The following ARHGAP10 variants were observed in gnomAD, a reference collection of about 807,000 sequenced individuals.
ARHGAP10 encodes the protein rho GTPase-activating protein 10.
ARHGAP10 carries 87 observed loss-of-function variants against 108.6 expected under a neutral mutation model. The ratio of observed to expected loss-of-function variants is 0.80; its 90% CI spans 0.67 to 0.96. The LOEUF (loss-of-function observed/expected upper bound fraction) is 0.96. Among genes scored for constraint, ARHGAP10 ranks in the 40% least tolerant of loss-of-function variants. ARHGAP10 has a pLI of 0.00. For synonymous variants in ARHGAP10, 347 were observed against 341.1 expected (o/e 1.02, Z -0.19); for missense variants, 939 against 954.5 (o/e 0.98, Z 0.21).
intron 14 of ARHGAP10, among the ~76,000 whole-genome samples, chr4:147,945,771 A>T (rs1738353146): frequency 6.6e-6 from 1 of 152,116 alleles, no homozygotes. Flanking sequence ...TCCTTGGTTC[A>T]GCTAAATCCG....
At chr4:147,753,427 T>C (rs1729242988) in intron 1 of ARHGAP10, among the ~76,000 whole-genome samples, 1 of 151,474 alleles carries the variant, frequency 6.6e-6, no homozygotes, top group South Asian at 2.1e-4. Context: ...CACTACAACC[T>C]CTGCCTCCTG....
intron 1 of ARHGAP10, among the ~76,000 whole-genome samples, chr4:147,818,630 C>T (rs563639605): frequency 6.6e-6 from 1 of 151,926 alleles, no homozygotes; most frequent in South Asian, 2.1e-4. Flanking sequence ...TGCATCTAAC[C>T]CAGGCAGAGA....
intron 1 of ARHGAP10, among the ~76,000 whole-genome samples, chr4:147,797,559 C>T (rs952628952): frequency 3.9e-5 from 6 of 152,174 alleles, no homozygotes; most frequent in Middle Eastern, 3.4e-3. Flanking sequence ...ACTACAGGTG[C>T]GCACCACCAC....
chr4:148,035,400 T>G (rs1728333020), intron 19 of ARHGAP10, among the ~76,000 whole-genome samples: 1 of 152,222 alleles, frequency 6.6e-6, no homozygotes, highest in South Asian at 2.1e-4. Flanking sequence ...GTAGTTTTGT[T>G]TCTGTGCTTT....
At chr4:147,910,612 A>G (rs557454351) in intron 12 of ARHGAP10, among the ~76,000 whole-genome samples, 12 of 152,298 alleles carry the variant, frequency 7.9e-5, no homozygotes, top group African/African-American at 2.6e-4. Flanking sequence ...TTCAAGGACA[A>G]CGATCTTCAC....
intron 3 of ARHGAP10, among the ~76,000 whole-genome samples, chr4:147,825,130 G>A (rs1424427046): frequency 2.6e-5 from 4 of 152,006 alleles, no homozygotes; most frequent in African/African-American, 2.4e-5. Context: ...CTAGGGCTGC[G>A]GGAGGACACT....
At chr4:147,842,437 T>C (rs777980331) in intron 3 of ARHGAP10, among the ~76,000 whole-genome samples, 3 of 152,198 alleles carry the variant, frequency 2.0e-5, no homozygotes, top group African/African-American at 7.2e-5. Flanking sequence ...AATGCCTTCA[T>C]GTGTCTATAT....
At chr4:147,954,373 C>G (rs1473463243) in intron 15 of ARHGAP10, among the ~76,000 whole-genome samples, 1 of 151,862 alleles carries the variant, frequency 6.6e-6, no homozygotes, top group Non-Finnish European at 1.5e-5. Flanking sequence ...TTTTGGGGCT[C>G]TCTTATTAGA....
intron 4 of ARHGAP10, among the ~76,000 whole-genome samples, chr4:147,847,710 T>G (rs890262759): frequency 6.6e-6 from 1 of 152,224 alleles, no homozygotes; most frequent in Non-Finnish European, 1.5e-5. Flanking sequence ...AGTATTGTTA[T>G]GGTATTGTGC....
intron 14 of ARHGAP10, 190 bp from the exon 15 acceptor site, chr4:147,946,427 G>C (rs1738381346): frequency 2.1e-6 from 1 of 475,006 alleles, no homozygotes. Context: ...CAGATTTTAC[G>C]AAGTGCCAGA....
At chr4:148,054,167 G>A (rs1409583013) in intron 20 of ARHGAP10, among the ~76,000 whole-genome samples, 2 of 152,200 alleles carry the variant, frequency 1.3e-5, no homozygotes, top group Non-Finnish European at 2.9e-5. Flanking sequence ...TCTAAATAAA[G>A]TAAGGACCTC....
intron 10 of ARHGAP10, among the ~76,000 whole-genome samples, chr4:147,887,124 G>C (rs1360681908): frequency 1.3e-5 from 2 of 152,024 alleles, no homozygotes; most frequent in African/African-American, 4.8e-5. Context: ...TCTCTCTTAA[G>C]CTCTGACACT....
intron 18 of ARHGAP10, among the ~76,000 whole-genome samples, chr4:147,972,778 G>T (rs1379549836): frequency 6.6e-6 from 1 of 151,774 alleles, no homozygotes; most frequent in Non-Finnish European, 1.5e-5. Context: ...TTTTGAGACG[G>T]AGTTTCATGC....
intron 20 of ARHGAP10, among the ~76,000 whole-genome samples, chr4:148,051,976 G>A (rs1729158140): frequency 6.6e-6 from 1 of 152,114 alleles, no homozygotes. Context: ...CTTGACTGTT[G>A]GTTCCATGAT....
chr4:147,988,879 A>C (rs1287039623), intron 18 of ARHGAP10, among the ~76,000 whole-genome samples: 1 of 152,216 alleles, frequency 6.6e-6, no homozygotes, highest in African/African-American at 2.4e-5. Flanking sequence ...GAAACCTCCT[A>C]TTAAAATAAT....
chr4:147,732,214 C>A lies in ARHGAP10; in HGVS notation c.-88C>A. On this transcript the variant is annotated 5_prime_UTR_variant, in exon 1 of 23. Coordinates refer to ENST00000336498, the MANE Select transcript of ARHGAP10 (RefSeq NM_024605.4). Reference sequence around the variant, plus strand: ...TGCTAGCTCCTCTGTGCTCCCTGAACGCGCGGCGCCGCACCTGGCAGCGGC... The same window carrying A: ...TGCTAGCTCCTCTGTGCTCCCTGAAAGCGCGGCGCCGCACCTGGCAGCGGC... The A allele has an allele frequency of 2.2e-6, 3 of 1,347,576 alleles. No homozygotes were observed. Among genetic ancestry groups the A allele is most frequent in the Non-Finnish European group, 2.9e-6 (3 of 1,039,096 alleles). The allele number at this position is 1,347,576 out of a possible 1,614,324, so 83.5% of individuals were successfully genotyped here. A position where few individuals can be genotyped will look rare whatever the true frequency, so the allele number is the denominator to read the frequency against.
intron 19 of ARHGAP10, among the ~76,000 whole-genome samples, chr4:148,045,519 A>C (rs1287561858): frequency 8.5e-5 from 13 of 152,198 alleles, no homozygotes; most frequent in African/African-American, 3.1e-4. Flanking sequence ...AGGCAGGCGG[A>C]TCACCTGAGG....
chr4:148,050,397 G>A lies in ARHGAP10; in HGVS notation c.2027+3346G>A, dbSNP rs113578267. Among the ~76,000 whole-genome samples the A allele has an allele frequency of 3.0e-3, 259 of 86,710 alleles. 1 individual carries two copies. The highest frequency in any genetic ancestry group is 0.011 in the African/African-American group (246 of 22,058). 56.9% of individuals were successfully genotyped at this position (86,710 alleles called of 152,430 possible). On this transcript the variant is annotated intron_variant, in intron 20 of 22. Coordinates refer to ENST00000336498, the MANE Select transcript of ARHGAP10 (RefSeq NM_024605.4). Reference sequence around the variant, plus strand: ...TTTTTTTTTTTTTTTTTTTTAAGATGTAGTCTCGCTCTGTTGCCCAGGCTG... The same window carrying A: ...TTTTTTTTTTTTTTTTTTTTAAGATATAGTCTCGCTCTGTTGCCCAGGCTG...
intron 13 of ARHGAP10, among the ~76,000 whole-genome samples, chr4:147,919,233 A>G (rs1477529732): frequency 6.6e-6 from 1 of 152,244 alleles, no homozygotes; most frequent in African/African-American, 2.4e-5. Flanking sequence ...AATAATAAAT[A>G]TATGACCTAT....
Sources: gnomAD v4.1 joint callset for allele counts (sites outside exome capture counted in the v4.1 genomes callset) on GRCh38, gnomAD v4.1.1 for gene constraint, MANE v1.5 for transcripts, NCBI Gene and HGNC (gene_info 2026-07-23, HGNC 2026-07-21) for gene names.